TMEM14B: variants seen among roughly 807,000 people sequenced by gnomAD.
TMEM14B encodes the protein transmembrane protein 14B.
TMEM14B carries 9 observed loss-of-function variants against 14.8 expected under a neutral mutation model. That is an observed-to-expected ratio of 0.61 (90% CI 0.37 to 1.06). The LOEUF (loss-of-function observed/expected upper bound fraction) is 1.06, where lower values mean the gene tolerates loss of function less well. TMEM14B is among the 50% of genes least tolerant of loss of function. TMEM14B has a pLI of 0.01. For missense variants in TMEM14B, 128 were observed against 143.6 expected (o/e 0.89, Z 0.56); for synonymous variants, 40 against 51.3 (o/e 0.78, Z 0.94).
intron 5 of TMEM14B, chr6:10,755,477 C>T (rs1771768936): frequency 7.0e-7 from 1 of 1,422,116 alleles, no homozygotes; most frequent in Non-Finnish European, 9.1e-7. Flanking sequence ...TATATGGTGG[C>T]AGAAGTTTTA....
chr6:10,756,749 CT>C lies in TMEM14B; in HGVS notation c.*233del. ...ATTGAGACCATCATAGAGATCGATT[CT>C]TGTATATTGATTTTATCTCTTTCTG... On this transcript the variant is annotated 3_prime_UTR_variant, in exon 6 of 6. Transcript: ENST00000379542. The C allele has an allele frequency of 8.5e-7, 1 of 1,170,938 alleles. No individual in the cohort carries two copies. Among genetic ancestry groups the C allele is most frequent in the Admixed American group, 4.6e-5 (1 of 21,586 alleles). The allele number at this position is 1,170,938 out of a possible 1,614,324, so 72.5% of individuals were successfully genotyped here.
Position 10,756,935 on chromosome 6 carries a change from T to G in TMEM14B, c.*417T>G, listed in dbSNP as rs961521616. On this transcript the variant is annotated 3_prime_UTR_variant, in exon 6 of 6. Coordinates refer to ENST00000379542, the MANE Select transcript of TMEM14B (RefSeq NM_030969.5). The stretch of plus-strand genomic sequence containing the variant: ...TTAGACCACAGACTGACTTTGAAAT[T>G]ATGTTAAGTGAAATATCAATGAAAA... 2.4e-5 allele frequency: 24 copies of G among 985,038 alleles called. No individual in the cohort carries two copies. The African/African-American group carries it at 3.7e-4, about 15-fold the overall frequency. The allele number at this position is 985,038 out of a possible 1,614,324, so 61.0% of individuals were successfully genotyped here.
chr6:10,749,892 C>T (rs1737443969), intron 3 of TMEM14B, 194 bp downstream of exon 3: 3 of 672,094 alleles, frequency 4.5e-6, no homozygotes, highest in Non-Finnish European at 5.3e-6. Context: ...TGAGCCAGGC[C>T]TCTTGTGGAA....
chr6:10,752,217 A>G (rs60578364), intron 4 of TMEM14B, among the ~76,000 whole-genome samples: 7,504 of 151,934 alleles, frequency 0.049, 642 homozygotes, highest in African/African-American at 0.16. Context: ...TGTAGAGAAA[A>G]AACAGCAGCC....
rs1481423206 is a variant in TMEM14B at position 10,753,881 on chromosome 6, A to AGG, written c.203-1261_203-1260insGG. Among the ~76,000 whole-genome samples the AGG allele has an allele frequency of 2.9e-3, 439 of 151,838 alleles. 3 individuals are homozygous for AGG. The highest frequency in any genetic ancestry group is 9.7e-3 in the African/African-American group (400 of 41,230). ...TAGTCCCAGTTATCCCCTCTTTCTT[A>AGG]CCTGCATTCCCAAGGACGTTCCTTA... is the stretch of plus-strand genomic sequence containing the variant. On this transcript the variant is annotated intron_variant, in intron 4 of 5. Transcript: ENST00000379542.
chr6:10,749,392 T>C (rs530778862), intron 2 of TMEM14B, 124 bp downstream of exon 2: 8 of 1,300,908 alleles, frequency 6.1e-6, no homozygotes, highest in East Asian at 4.6e-5. Context: ...GGAGGATCAC[T>C]GGACCTGTGG....
chr6:10,749,177 T>G, intron 1 of TMEM14B, 25 bp from the exon 2 acceptor site: 1 of 1,546,742 alleles, frequency 6.5e-7, no homozygotes, highest in East Asian at 2.2e-5. Context: ...TTTTAACCAC[T>G]GCTGATCCGG....
At chr6:10,751,720 T>C (rs1046518324) in intron 4 of TMEM14B, among the ~76,000 whole-genome samples, 7 of 152,112 alleles carry the variant, frequency 4.6e-5, no homozygotes, top group Non-Finnish European at 7.3e-5. Context: ...ATCACCTCTT[T>C]AGCAGTCAGC....
intron 3 of TMEM14B, among the ~76,000 whole-genome samples, chr6:10,750,459 AC>A (rs1771504073): frequency 1.3e-5 from 2 of 151,266 alleles, no homozygotes; most frequent in African/African-American, 4.9e-5. Flanking sequence ...TCTAGTTAAA[AC>A]AATTTTACTG....
chr6:10,750,699 G>A (rs940708066), intron 3 of TMEM14B, among the ~76,000 whole-genome samples: 1 of 151,940 alleles, frequency 6.6e-6, no homozygotes, highest in Non-Finnish European at 1.5e-5. Context: ...CCTTGAGGAC[G>A]GGGCTGCCAG....
chr6:10,749,130 T>C, intron 1 of TMEM14B, 72 bp from the exon 2 acceptor site: 1 of 985,958 alleles, frequency 1.0e-6, no homozygotes, highest in Non-Finnish European at 1.6e-6. Flanking sequence ...AGCCTGCAGG[T>C]TGGACACACT....
At chr6:10,758,151 G>T (rs929618163), downstream of TMEM14B, among the ~76,000 whole-genome samples, 11 of 152,260 alleles carry the variant, frequency 7.2e-5, no homozygotes, top group African/African-American at 2.6e-4. Flanking sequence ...GGGCTCTTGT[G>T]TTGCAGTGGT....
chr6:10,755,403 C>A lies in TMEM14B; in HGVS notation c.293+171C>A. The A allele has an allele frequency of 2.0e-6, 3 of 1,506,836 alleles. No homozygotes were observed. In the South Asian group the frequency reaches 3.8e-5, roughly 19 times the overall value. The allele number at this position is 1,506,836 out of a possible 1,614,324, so 93.3% of individuals were successfully genotyped here. ...TCAAAAACAATAGTTGATTTAATGT[C>A]AAATGACATGAGTATATCCATTCAC... On this transcript the variant is annotated intron_variant, in intron 5 of 5. Transcript: ENST00000379542.
intron 4 of TMEM14B, among the ~76,000 whole-genome samples, chr6:10,753,103 G>T (rs924287243): frequency 6.6e-6 from 1 of 152,028 alleles, no homozygotes; most frequent in African/African-American, 2.4e-5. Context: ...GGGCTTGGTG[G>T]CTGTCACCTG....
chr6:10,759,713 A>G (rs1668698571), downstream of TMEM14B: 1 of 152,238 alleles, frequency 6.6e-6, no homozygotes, highest in African/African-American at 2.4e-5. Context: ...GAATGAAAGC[A>G]GCCACAGCCA....
Position 10,749,606 on chromosome 6 carries a change from T to C in TMEM14B, c.24-16T>C, listed in dbSNP as rs1453767399. ...GGTTAGCACTGACTTCTCACTGACT[T>C]CTCTTGTGTTTTCAGAGTGCCTTTG... On this transcript the variant is annotated splice_polypyrimidine_tract_variant and intron_variant, in intron 2 of 5. Transcript: ENST00000379542. 27 of 1,614,008 alleles carry C rather than the reference T, an allele frequency of 1.7e-5. No homozygotes were observed. The highest frequency in any genetic ancestry group is 4.2e-6 in the Non-Finnish European group (5 of 1,179,952).
intron 3 of TMEM14B, 116 bp downstream of exon 3, chr6:10,749,814 A>C: frequency 8.2e-7 from 1 of 1,219,030 alleles, no homozygotes; most frequent in Non-Finnish European, 1.2e-6. Context: ...TAGGTCCCCA[A>C]GCTGGAGTGC....
chr6:10,751,042 G>A, intron 3 of TMEM14B, 91 bp from the exon 4 acceptor site: 3 of 1,493,568 alleles, frequency 2.0e-6, no homozygotes, highest in Non-Finnish European at 2.8e-6. Context: ...AGTTCTTTGT[G>A]CTGTCCTTTG....
At chr6:10,751,048 C>G in intron 3 of TMEM14B, 85 bp from the exon 4 acceptor site, 2 of 1,540,968 alleles carry the variant, frequency 1.3e-6, no homozygotes, top group Non-Finnish European at 1.8e-6. Context: ...TTGTGCTGTC[C>G]TTTGTAGGGC....
Sources: allele counts gnomAD v4.1 joint callset (sites outside exome capture counted in the v4.1 genomes callset), GRCh38; gene constraint gnomAD v4.1.1; transcripts MANE v1.5; gene names NCBI Gene and HGNC (gene_info 2026-07-23, HGNC 2026-07-21).